The following FMN1 variants were observed in gnomAD, a reference collection of about 807,000 sequenced individuals.
The protein encoded by FMN1 is formin 1, also known as formin-1.
A neutral mutation model predicts 132.4 loss-of-function variants in FMN1; 110 were observed. The observed-to-expected ratio is 0.83, with a 90% CI of 0.71 to 0.97. The LOEUF (loss-of-function observed/expected upper bound fraction) is 0.97, where lower values mean the gene tolerates loss of function less well. Among genes scored for constraint, FMN1 ranks in the 50% least tolerant of loss-of-function variants. FMN1 has a pLI of 0.00. For synonymous variants in FMN1, 722 were observed against 651.7 expected, an observed-to-expected ratio of 1.11 and a Z score of -1.64; for missense variants, 1,792 against 1,705.3, an observed-to-expected ratio of 1.05 and a Z score of -0.90.
chr15:32,970,994 T>C, intron 7 of FMN1, among the ~76,000 whole-genome samples: 1 of 152,196 alleles, frequency 6.6e-6, no homozygotes, highest in African/African-American at 2.4e-5. Context: ...CTATTTCTCG[T>C]GCAGTGCAGA....
At chr15:32,862,674 G>C (rs1471700641) in intron 16 of FMN1, among the ~76,000 whole-genome samples, 2 of 152,200 alleles carry the variant, frequency 1.3e-5, no homozygotes, top group African/African-American at 2.4e-5. Flanking sequence ...GTAGCAGTAA[G>C]ACCCAGATAT....
intron 20 of FMN1, 43 bp from the exon 21 acceptor site, chr15:32,774,397 T>C: frequency 6.7e-7 from 1 of 1,502,748 alleles, no homozygotes; most frequent in South Asian, 1.2e-5. Context: ...TCTTTCATCT[T>C]TCTCAAGTTT....
chr15:33,183,890 A>G (rs995340323), intron 2 of FMN1, among the ~76,000 whole-genome samples: 43 of 152,214 alleles, frequency 2.8e-4, no homozygotes, highest in African/African-American at 9.6e-4. Flanking sequence ...GTCAACTGAT[A>G]CTGTCTAAAG....
intron 6 of FMN1, among the ~76,000 whole-genome samples, chr15:33,035,488 T>A (rs345882): frequency 0.85 from 128,824 of 152,186 alleles, 55,184 homozygotes; most frequent in Non-Finnish European, 0.9. Context: ...CTAACTGCTT[T>A]ACTGCTCCAG....
intron 6 of FMN1, among the ~76,000 whole-genome samples, chr15:33,016,421 G>A (rs994001291): frequency 6.6e-6 from 1 of 152,158 alleles, no homozygotes; most frequent in African/African-American, 2.4e-5. Context: ...CCTGGTCTTG[G>A]GGCCCTGCGA....
intron 15 of FMN1, among the ~76,000 whole-genome samples, chr15:32,893,665 C>A (rs77647799): frequency 0.054 from 8,297 of 152,290 alleles, 389 homozygotes; most frequent in East Asian, 0.13. Context: ...ATAATTCTAC[C>A]CTCTTGTTGA....
chr15:32,821,171 G>T (rs1156702579), intron 17 of FMN1, among the ~76,000 whole-genome samples: 1 of 151,542 alleles, frequency 6.6e-6, no homozygotes, highest in Non-Finnish European at 1.5e-5. Context: ...TCCAAATAAT[G>T]GCAGATTGTC....
intron 4 of FMN1, among the ~76,000 whole-genome samples, chr15:33,128,943 T>TGATTGGTCCATTTTACAGAGTGCG (rs1963411379): frequency 6.6e-6 from 1 of 152,116 alleles, no homozygotes; most frequent in African/African-American, 2.4e-5. Flanking sequence ...TACAGAGTGC[T>TGATTGGTCCATTTTACAGAGTGCG]GATTGGTCCA....
At chr15:33,018,833 G>A (rs920211656) in intron 6 of FMN1, among the ~76,000 whole-genome samples, 2 of 152,106 alleles carry the variant, frequency 1.3e-5, no homozygotes, top group Admixed American at 1.3e-4. Context: ...ATACCTTCGC[G>A]GTTGAGTGTT....
At chr15:32,875,333 G>T (rs2059613390) in intron 16 of FMN1, among the ~76,000 whole-genome samples, 2 of 151,722 alleles carry the variant, frequency 1.3e-5, no homozygotes, top group Admixed American at 1.3e-4. Flanking sequence ...ACCATCTACA[G>T]GAAAGTTCTA....
intron 3 of FMN1, among the ~76,000 whole-genome samples, chr15:33,176,411 C>T (rs1965513829): frequency 6.8e-6 from 1 of 147,088 alleles, no homozygotes; most frequent in Non-Finnish European, 1.5e-5. Flanking sequence ...GAGGCTGAGA[C>T]AGGAGAATTG....
intron 6 of FMN1, among the ~76,000 whole-genome samples, chr15:33,019,595 G>C (rs1268440864): frequency 6.6e-6 from 1 of 152,200 alleles, no homozygotes; most frequent in Non-Finnish European, 1.5e-5. Flanking sequence ...ACTCAGGCAT[G>C]GCGAGCTGGA....
intron 15 of FMN1, among the ~76,000 whole-genome samples, chr15:32,892,874 T>C (rs1033762959): frequency 2.0e-5 from 3 of 152,222 alleles, no homozygotes; most frequent in African/African-American, 7.2e-5. Context: ...TGCCATGTTA[T>C]CTTGTACATC....
intron 17 of FMN1, among the ~76,000 whole-genome samples, chr15:32,839,857 T>C (rs1188015108): frequency 6.6e-6 from 1 of 151,464 alleles, no homozygotes; most frequent in Non-Finnish European, 1.5e-5. Context: ...ATGTAAAAAA[T>C]CCTTGTTAAT....
rs1316364146 is a variant in FMN1, at chr15:32,770,413, G to C, written c.*3897C>G. The C allele has an allele frequency of 6.6e-6, 1 of 152,042 alleles. No individual in the cohort carries two copies. Among genetic ancestry groups the C allele is most frequent in the Non-Finnish European group, 1.5e-5 (1 of 67,998 alleles). 9.4% of individuals were successfully genotyped at this position (152,042 alleles called of 1,614,324 possible). A position where few individuals can be genotyped will look rare whatever the true frequency, so the allele number is the denominator to read the frequency against. On this transcript the variant is annotated 3_prime_UTR_variant, in exon 21 of 21. Transcript: ENST00000616417. ...AAATTTCTCTGTTGCAAACATCATA[G>C]AGAAAATGTGCAATCCCAGGCCAAT...
At chr15:32,790,452 T>C (rs939299903) in intron 19 of FMN1, among the ~76,000 whole-genome samples, 3 of 152,208 alleles carry the variant, frequency 2.0e-5, no homozygotes, top group Admixed American at 2.0e-4. Context: ...TTAAGGAAAC[T>C]AAACACAAAA....
At chr15:33,013,893 T>C (rs1017532533) in intron 6 of FMN1, among the ~76,000 whole-genome samples, 12 of 152,252 alleles carry the variant, frequency 7.9e-5, no homozygotes, top group African/African-American at 2.9e-4. Flanking sequence ...GACTATATTT[T>C]GCAATGATTC....
intron 2 of FMN1, among the ~76,000 whole-genome samples, chr15:33,193,701 C>A (rs1482952096): frequency 6.6e-6 from 1 of 152,094 alleles, no homozygotes; most frequent in Non-Finnish European, 1.5e-5. Flanking sequence ...CAGGAGACAG[C>A]AAGCAGAAAT....
rs1052236247 is a variant in FMN1 at position 32,770,314 on chromosome 15, A to G, written c.*3996T>C. The G allele has an allele frequency of 3.3e-5, 5 of 152,240 alleles. No individual in the cohort carries two copies. The highest frequency in any genetic ancestry group is 1.9e-4 in the East Asian group (1 of 5,194). 9.4% of individuals were successfully genotyped at this position (152,240 alleles called of 1,614,324 possible). A position where few individuals can be genotyped will look rare whatever the true frequency, so the allele number is the denominator to read the frequency against. On this transcript the variant is annotated 3_prime_UTR_variant, in exon 21 of 21. Transcript: ENST00000616417. ...GTATGCAATGATCTGCATCAATGAC[A>G]CTGGCCAAGGGAGAAGCAGAAACAG...
Sources: allele counts gnomAD v4.1 joint callset (sites outside exome capture counted in the v4.1 genomes callset), GRCh38; gene constraint gnomAD v4.1.1; transcripts MANE v1.5; gene names NCBI Gene and HGNC (gene_info 2026-07-23, HGNC 2026-07-21).